BRD10: variants seen among roughly 807,000 people sequenced by gnomAD.
The protein encoded by BRD10 is bromodomain containing 10.
At chr9:5,938,703 T>G in the BRD10 span, among the ~76,000 whole-genome samples, 1 of 142,650 alleles carries the variant, frequency 7.0e-6, no homozygotes, top group South Asian at 2.4e-4. Flanking sequence ...AAAGGTCATT[T>G]TAATTTTTAA....
the BRD10 span, among the ~76,000 whole-genome samples, chr9:5,961,427 A>G: frequency 6.6e-6 from 1 of 152,150 alleles, no homozygotes. Flanking sequence ...ATAAGAAAAA[A>G]CAATGAAAGA....
the BRD10 span, among the ~76,000 whole-genome samples, chr9:5,973,224 T>G: frequency 6.6e-6 from 1 of 152,224 alleles, no homozygotes; most frequent in Non-Finnish European, 1.5e-5. Flanking sequence ...CTCAGCACTT[T>G]GGGAGGCCAA....
the BRD10 span, among the ~76,000 whole-genome samples, chr9:5,955,440 T>C: frequency 2.0e-5 from 3 of 152,220 alleles, no homozygotes; most frequent in Non-Finnish European, 2.9e-5. Flanking sequence ...CTGTACATAA[T>C]CCTAATGCTC....
At chr9:5,907,240 T>A in the BRD10 span, 6 of 271,962 alleles carry the variant, frequency 2.2e-5, no homozygotes, top group East Asian at 3.3e-4. Context: ...ACATACCCAG[T>A]GTTTCCAGGG....
the BRD10 span, among the ~76,000 whole-genome samples, chr9:5,973,993 G>A: frequency 6.6e-6 from 1 of 152,146 alleles, no homozygotes. Context: ...AAGACATAAT[G>A]GCTGAGAATT....
At chr9:5,906,947 T>G in the BRD10 span, 5 of 1,599,514 alleles carry the variant, frequency 3.1e-6, no homozygotes, top group South Asian at 1.1e-5. Context: ...AAGAAGGGTT[T>G]GATCATCGGG....
the BRD10 span, among the ~76,000 whole-genome samples, chr9:5,880,476 T>C: frequency 1.2e-5 from 1 of 85,876 alleles, no homozygotes; most frequent in Non-Finnish European, 3.5e-5. Flanking sequence ...ATCCCGCCAC[T>C]GCACTCCAGC....
At chr9:5,942,369 C>T in the BRD10 span, among the ~76,000 whole-genome samples, 1 of 152,066 alleles carries the variant, frequency 6.6e-6, no homozygotes, top group Non-Finnish European at 1.5e-5. Context: ...AGTGGAACAC[C>T]TTACTCCCAA....
chr9:5,908,579 C>A, the BRD10 span: 4 of 1,368,450 alleles, frequency 2.9e-6, no homozygotes, highest in Non-Finnish European at 4.2e-6. Context: ...TTAACTTAAT[C>A]CCTTCCTAGA....
At chr9:5,978,847 T>C in the BRD10 span, among the ~76,000 whole-genome samples, 2 of 152,224 alleles carry the variant, frequency 1.3e-5, no homozygotes, top group Admixed American at 6.5e-5. Flanking sequence ...CTACCTGATG[T>C]TGTTCATGCA....
At chr9:5,930,369 T>TTTTATATATATATA in the BRD10 span, among the ~76,000 whole-genome samples, 98 of 135,528 alleles carry the variant, frequency 7.2e-4, 2 homozygotes, top group South Asian at 3.2e-3. Flanking sequence ...TATAAGGAGA[T>TTTTATATATATATA]TATATATATA....
At chr9:5,957,119 AC>A in the BRD10 span, among the ~76,000 whole-genome samples, 1 of 152,144 alleles carries the variant, frequency 6.6e-6, no homozygotes, top group African/African-American at 2.4e-5. Context: ...AAGAAGATTA[AC>A]ATTTATTGAG....
chr9:6,004,245 T>C, the BRD10 span, among the ~76,000 whole-genome samples: 1 of 152,262 alleles, frequency 6.6e-6, no homozygotes, highest in Non-Finnish European at 1.5e-5. Flanking sequence ...TTTGTTCATA[T>C]ATCCATTACA....
the BRD10 span, among the ~76,000 whole-genome samples, chr9:5,906,338 A>AAAAG: frequency 8.0e-5 from 12 of 150,144 alleles, no homozygotes; most frequent in East Asian, 5.8e-4. Context: ...TCAAAAAAAA[A>AAAAG]AAAAGAAAAG....
chr9:5,972,145 G>T, the BRD10 span, among the ~76,000 whole-genome samples: 1 of 152,112 alleles, frequency 6.6e-6, no homozygotes. Flanking sequence ...ACAGTGATAA[G>T]AAATGAGTCC....
At chr9:5,922,168 A>C in the BRD10 span, 3 of 1,613,822 alleles carry the variant, frequency 1.9e-6, no homozygotes, top group Non-Finnish European at 2.5e-6. Context: ...TTGACTGTGA[A>C]TCTCTTATGC....
At chr9:6,006,582 T>A in the BRD10 span, among the ~76,000 whole-genome samples, 5 of 152,202 alleles carry the variant, frequency 3.3e-5, no homozygotes, top group African/African-American at 1.2e-4. Context: ...AACATAAATG[T>A]ATAAACTTTA....
the BRD10 span, among the ~76,000 whole-genome samples, chr9:5,989,331 G>A: frequency 6.7e-6 from 1 of 148,202 alleles, no homozygotes; most frequent in Non-Finnish European, 1.5e-5. Context: ...ATACTTGGGA[G>A]GCTAAGGTGG....
At chr9:5,925,631 T>A in the BRD10 span, among the ~76,000 whole-genome samples, 1 of 152,154 alleles carries the variant, frequency 6.6e-6, no homozygotes, top group African/African-American at 2.4e-5. Context: ...GAGTAACAAA[T>A]CTATCACTTA....
Sources: allele counts gnomAD v4.1 joint callset (sites outside exome capture counted in the v4.1 genomes callset), GRCh38; gene constraint gnomAD v4.1.1; transcripts MANE v1.5; gene names NCBI Gene and HGNC (gene_info 2026-07-23, HGNC 2026-07-21).